Variants in CHCHD6 observed in about 807,000 individuals in gnomAD.
CHCHD6 encodes MICOS complex subunit MIC25.
In CHCHD6, 28 loss-of-function variants were observed where a neutral mutation model predicts 32.3. The observed-to-expected ratio is 0.87, with a 90% CI of 0.64 to 1.19. The LOEUF is 1.19. CHCHD6 is among the 50% of genes most tolerant of loss of function. The pLI, the probability that CHCHD6 is intolerant of heterozygous loss-of-function variation, is 0.00. For missense variants in CHCHD6, 333 were observed against 307.0 expected, an observed-to-expected ratio of 1.08 and a Z score of -0.63; for synonymous variants, 122 against 117.5, an observed-to-expected ratio of 1.04 and a Z score of -0.25.
At chr3:126,896,433 T>C (rs1452061341) in intron 5 of CHCHD6, among the ~76,000 whole-genome samples, 1 of 152,208 alleles carries the variant, frequency 6.6e-6, no homozygotes, top group Non-Finnish European at 1.5e-5. Context: ...TGGCCAGGTC[T>C]CTGCCTGCTC....
At chr3:126,916,598 T>C (rs1210895932) in intron 6 of CHCHD6, among the ~76,000 whole-genome samples, 1 of 151,758 alleles carries the variant, frequency 6.6e-6, no homozygotes, top group East Asian at 1.9e-4. Context: ...CATCCAGGAG[T>C]TGAAGGGTGC....
chr3:126,704,321 C>T lies in CHCHD6; in HGVS notation c.9C>T (p.Ser3=). The change falls in exon 1 of 8, where the codon AGC becomes AGT. Residue 3 remains serine, a synonymous_variant. Transcript: ENST00000290913. MG[S]TESSEGRRVS... ...CCCTGCGGCATCTCGCCATGGGGAGCACGGAGAGCAGCGAGGGCCGCAGGG... is the reference window on the plus strand; with the variant it reads ...CCCTGCGGCATCTCGCCATGGGGAGTACGGAGAGCAGCGAGGGCCGCAGGG... The T allele has an allele frequency of 1.2e-6, 2 of 1,603,944 alleles. No individual in the cohort carries two copies. The highest frequency in any genetic ancestry group is 2.2e-5 in the East Asian group (1 of 44,578).
intron 4 of CHCHD6, among the ~76,000 whole-genome samples, chr3:126,774,380 TC>T (rs1217276438): frequency 5.9e-5 from 9 of 152,200 alleles, no homozygotes; most frequent in Non-Finnish European, 1.3e-4. Context: ...GGCCCATGTA[TC>T]CTTCATCATA....
intron 5 of CHCHD6, among the ~76,000 whole-genome samples, chr3:126,890,363 C>T (rs892187347): frequency 6.6e-6 from 1 of 152,176 alleles, no homozygotes; most frequent in Admixed American, 6.5e-5. Flanking sequence ...GTGACACAGG[C>T]ACACAAGGTC....
At chr3:126,926,983 A>C (rs1050290813) in intron 6 of CHCHD6, among the ~76,000 whole-genome samples, 11 of 152,158 alleles carry the variant, frequency 7.2e-5, no homozygotes, top group African/African-American at 2.2e-4. Context: ...CAACAAAATA[A>C]GATGATTTTA....
chr3:126,951,576 G>C (rs1186141964), intron 6 of CHCHD6, among the ~76,000 whole-genome samples: 4 of 152,238 alleles, frequency 2.6e-5, no homozygotes, highest in African/African-American at 4.8e-5. Flanking sequence ...AAGGAAGAGG[G>C]AGGGAGGATC....
At chr3:126,836,029 T>C (rs1326601082) in intron 4 of CHCHD6, among the ~76,000 whole-genome samples, 3 of 152,232 alleles carry the variant, frequency 2.0e-5, no homozygotes, top group Admixed American at 6.5e-5. Flanking sequence ...TCTGTCCTCT[T>C]GGGCAGCAGC....
intron 5 of CHCHD6, among the ~76,000 whole-genome samples, chr3:126,868,379 A>G (rs1942362331): frequency 6.6e-6 from 1 of 151,912 alleles, no homozygotes; most frequent in African/African-American, 2.4e-5. Context: ...CTGCCTTGGT[A>G]CTTGTGGGAA....
At chr3:126,859,499 T>A (rs1362710857) in intron 5 of CHCHD6, among the ~76,000 whole-genome samples, 1 of 152,194 alleles carries the variant, frequency 6.6e-6, no homozygotes, top group Non-Finnish European at 1.5e-5. Flanking sequence ...GATGACCAGC[T>A]GATGATTGAG....
intron 2 of CHCHD6, among the ~76,000 whole-genome samples, chr3:126,728,231 C>T (rs1037700255): frequency 5.3e-5 from 8 of 152,196 alleles, no homozygotes; most frequent in African/African-American, 1.7e-4. Flanking sequence ...GGCAGGGACC[C>T]TCTCTCATGG....
intron 6 of CHCHD6, among the ~76,000 whole-genome samples, chr3:126,940,633 A>T (rs746634979): frequency 6.6e-6 from 1 of 152,206 alleles, no homozygotes; most frequent in Non-Finnish European, 1.5e-5. Context: ...TTGACCTGCT[A>T]ACCCTTCAAA....
intron 6 of CHCHD6, among the ~76,000 whole-genome samples, chr3:126,941,534 A>G (rs1233191909): frequency 6.6e-6 from 1 of 152,336 alleles, no homozygotes; most frequent in South Asian, 2.1e-4. Context: ...CCCAGCCAGG[A>G]GAAGAAAATC....
At chr3:126,802,035 A>G (rs1939104002) in intron 4 of CHCHD6, among the ~76,000 whole-genome samples, 1 of 152,218 alleles carries the variant, frequency 6.6e-6, no homozygotes, top group Non-Finnish European at 1.5e-5. Flanking sequence ...AACAAACAGA[A>G]AGGACATCCA....
intron 4 of CHCHD6, among the ~76,000 whole-genome samples, chr3:126,753,200 A>G (rs962686758): frequency 6.6e-6 from 1 of 152,140 alleles, no homozygotes; most frequent in Non-Finnish European, 1.5e-5. Context: ...TTCAGGGCCC[A>G]GGGAAGGCAC....
intron 4 of CHCHD6, among the ~76,000 whole-genome samples, chr3:126,741,946 G>C (rs1050604273): frequency 2.6e-5 from 4 of 152,174 alleles, no homozygotes; most frequent in Admixed American, 6.5e-5. Flanking sequence ...CCCTCTCCCT[G>C]ATGCAGCTCC....
At position 126,832,777 on chromosome 3, in the gene CHCHD6, G is replaced by A. The variant is rs142783424; in HGVS notation, c.412-19870G>A. Among the ~76,000 whole-genome samples the A allele has an allele frequency of 2.3e-3, 349 of 152,264 alleles. 1 individual carries two copies. Among genetic ancestry groups the A allele is most frequent in the African/African-American group, 8.0e-3 (332 of 41,548 alleles). ...TCCTGGTGGTCTGACCCAGAGAAAG[G>A]GGGAGGGCTGGTGTGGGACCAGAAA... On this transcript the variant is annotated intron_variant, in intron 4 of 7. Coordinates refer to ENST00000290913, the MANE Select transcript of CHCHD6 (RefSeq NM_032343.3).
intron 1 of CHCHD6, among the ~76,000 whole-genome samples, chr3:126,724,975 T>C (rs747787081): frequency 6.6e-5 from 10 of 152,244 alleles, no homozygotes; most frequent in Non-Finnish European, 1.5e-4. Context: ...GACTTCTCCA[T>C]TGAAGTCTTG....
intron 4 of CHCHD6, among the ~76,000 whole-genome samples, chr3:126,839,096 C>A (rs1940972201): frequency 6.6e-6 from 1 of 151,938 alleles, no homozygotes; most frequent in Admixed American, 6.6e-5. Context: ...CACTACATTG[C>A]CTGAGCTGGT....
At chr3:126,928,377 G>T (rs1047365036) in intron 6 of CHCHD6, among the ~76,000 whole-genome samples, 5 of 152,194 alleles carry the variant, frequency 3.3e-5, no homozygotes, top group Non-Finnish European at 5.9e-5. Flanking sequence ...TTCAGGGCTG[G>T]TTGGGGTCTC....
Sources: gnomAD v4.1 joint callset for allele counts (sites outside exome capture counted in the v4.1 genomes callset) on GRCh38, gnomAD v4.1.1 for gene constraint, MANE v1.5 for transcripts, NCBI Gene and HGNC (gene_info 2026-07-23, HGNC 2026-07-21) for gene names.